Variants in RBFOX1 observed in about 807,000 individuals in gnomAD.
RBFOX1 encodes RNA binding fox-1 homolog 1, also known as RNA binding protein fox-1 homolog 1.
A neutral mutation model predicts 57.7 loss-of-function variants in RBFOX1; 8 were observed. That is an observed-to-expected ratio of 0.14 (90% CI 0.08 to 0.25). RBFOX1 has a LOEUF of 0.25. Ranked by LOEUF, RBFOX1 falls within the 10% of genes least tolerant of loss-of-function variation. RBFOX1 has a pLI of 1.00. For synonymous variants in RBFOX1, 326 were observed against 222.4 expected (o/e 1.47, Z -4.15); for missense variants, 611 against 548.5 (o/e 1.11, Z -1.14).
intron 3 of RBFOX1, among the ~76,000 whole-genome samples, chr16:6,782,933 T>C (rs2081275395): frequency 6.6e-6 from 1 of 152,178 alleles, no homozygotes; most frequent in South Asian, 2.1e-4. Flanking sequence ...TTTATATATA[T>C]TTACAGTTCT....
At chr16:7,432,194 G>A (rs2149616310) in intron 4 of RBFOX1, among the ~76,000 whole-genome samples, 1 of 152,342 alleles carries the variant, frequency 6.6e-6, no homozygotes, top group Non-Finnish European at 1.5e-5. Context: ...GGGCGGAAAT[G>A]TGGCTGTCTG....
intron 4 of RBFOX1, among the ~76,000 whole-genome samples, chr16:7,342,409 C>G (rs779718982): frequency 1.3e-5 from 2 of 152,182 alleles, no homozygotes; most frequent in Non-Finnish European, 2.9e-5. Flanking sequence ...ATGGTTTCAA[C>G]CTGTCTGCGG....
intron 3 of RBFOX1, among the ~76,000 whole-genome samples, chr16:6,709,665 C>G (rs1232905517): frequency 6.6e-6 from 1 of 152,150 alleles, no homozygotes; most frequent in Admixed American, 6.5e-5. Flanking sequence ...TTTTACCTCT[C>G]AGAGCCAGTG....
intron 4 of RBFOX1, among the ~76,000 whole-genome samples, chr16:7,252,352 T>G (rs1249557503): frequency 3.9e-5 from 6 of 152,262 alleles, no homozygotes; most frequent in African/African-American, 1.4e-4. Flanking sequence ...TTCACCACTC[T>G]GTGCTTGCTC....
intron 4 of RBFOX1, among the ~76,000 whole-genome samples, chr16:5,916,380 C>T (rs970906381): frequency 6.6e-6 from 1 of 152,132 alleles, no homozygotes; most frequent in Admixed American, 6.5e-5. Context: ...ACCTTCCTCC[C>T]TCTCTTATTT....
At chr16:7,137,720 A>G (rs1020873506) in intron 4 of RBFOX1, among the ~76,000 whole-genome samples, 3 of 152,192 alleles carry the variant, frequency 2.0e-5, no homozygotes, top group African/African-American at 7.2e-5. Flanking sequence ...ACTTAACTCA[A>G]AGGAATAATG....
At chr16:6,406,889 G>C (rs938053030) in intron 2 of RBFOX1, among the ~76,000 whole-genome samples, 5 of 152,068 alleles carry the variant, frequency 3.3e-5, no homozygotes, top group Non-Finnish European at 5.9e-5. Context: ...TTATATGCTG[G>C]CTGACCCCCC....
intron 4 of RBFOX1, among the ~76,000 whole-genome samples, chr16:7,222,186 G>C (rs757624817): frequency 1.3e-5 from 2 of 151,604 alleles, no homozygotes; most frequent in Non-Finnish European, 2.9e-5. Context: ...CCATAGACAC[G>C]ACCACACCAG....
intron 1 of RBFOX1, among the ~76,000 whole-genome samples, chr16:6,216,983 T>G (rs988718431): frequency 1.3e-5 from 2 of 152,144 alleles, no homozygotes; most frequent in African/African-American, 4.8e-5. Flanking sequence ...ACTGAAGCCC[T>G]TTGGTGTATG....
chr16:7,492,922 A>G (rs1204899062), intron 4 of RBFOX1, among the ~76,000 whole-genome samples: 1 of 152,036 alleles, frequency 6.6e-6, no homozygotes, highest in Non-Finnish European at 1.5e-5. Context: ...GACGTCCCCC[A>G]GGCTGGAGTG....
chr16:6,966,804 T>C (rs554371963), intron 3 of RBFOX1, among the ~76,000 whole-genome samples: 3 of 151,250 alleles, frequency 2.0e-5, no homozygotes, highest in African/African-American at 7.3e-5. Context: ...TCTGTCTGTC[T>C]GTCTGTCTGT....
chr16:5,299,690 G>A (rs1003498809), intron 1 of RBFOX1, among the ~76,000 whole-genome samples: 1 of 152,132 alleles, frequency 6.6e-6, no homozygotes, highest in African/African-American at 2.4e-5. Flanking sequence ...TGAGCTTTTT[G>A]TGGATTTCAT....
intron 4 of RBFOX1, among the ~76,000 whole-genome samples, chr16:7,196,069 T>C (rs552546040): frequency 3.1e-3 from 475 of 152,174 alleles, no homozygotes; most frequent in Middle Eastern, 6.8e-3. Flanking sequence ...TTTTAATTAT[T>C]ATTATTATTG....
At chr16:5,570,838 T>TTA (rs1387950604) in intron 2 of RBFOX1, among the ~76,000 whole-genome samples, 1 of 30,092 alleles carries the variant, frequency 3.3e-5, no homozygotes, top group Non-Finnish European at 6.9e-5. Context: ...AAACTCTGTC[T>TTA]CAAAAAAAAA....
At chr16:5,856,565 G>T (rs1312496227) in intron 3 of RBFOX1, among the ~76,000 whole-genome samples, 2 of 33,728 alleles carry the variant, frequency 5.9e-5, no homozygotes, top group African/African-American at 2.0e-4. Context: ...GTGTGTGTAT[G>T]TGTGTGTGTG....
In RBFOX1 at chr16:6,963,987, T is replaced by A. The variant is rs530158883; in HGVS notation, c.-15-88070T>A. On this transcript the variant is annotated intron_variant, in intron 3 of 15. Coordinates refer to ENST00000550418, the MANE Select transcript of RBFOX1 (RefSeq NM_018723.4). ...TGCTGGGATTACAGGCGTGAGCCAC[T>A]GCGCCCAGCCCCGGATTTATTTATT... 2.7e-3 allele frequency among the ~76,000 whole-genome samples: 407 copies of A among 151,796 alleles called. 1 individual carries two copies. The highest frequency in any genetic ancestry group is 9.5e-3 in the African/African-American group (391 of 41,364).
intron 2 of RBFOX1, among the ~76,000 whole-genome samples, chr16:6,323,498 G>C (rs973031348): frequency 6.6e-6 from 1 of 152,020 alleles, no homozygotes; most frequent in Non-Finnish European, 1.5e-5. Flanking sequence ...TGAATGAGTT[G>C]TTCATTGAGT....
rs1479990246 is a variant in RBFOX1 at position 6,478,423 on chromosome 16, ATATATATTTTTTTTTT to A, written c.-64+161368_-64+161383del. On this transcript the variant is annotated intron_variant, in intron 2 of 15. Transcript: ENST00000550418. The stretch of plus-strand genomic sequence containing the variant: ...TATATATATATATATATATATATAT[ATATATATTTTTTTTTT>A]TTTTTTTTGTATTTTTAGTAGAGAC... 6.7e-3 allele frequency among the ~76,000 whole-genome samples: 81 copies of A among 12,000 alleles called. 3 individuals carry two copies. The highest frequency in any genetic ancestry group is 0.016 in the African/African-American group (78 of 4,792). 7.9% of individuals were successfully genotyped at this position (12,000 alleles called of 152,430 possible). A position where few individuals can be genotyped will look rare whatever the true frequency, so the allele number is the denominator to read the frequency against.
chr16:6,653,203 C>T (rs1238654014), intron 2 of RBFOX1, among the ~76,000 whole-genome samples: 2 of 152,166 alleles, frequency 1.3e-5, no homozygotes, highest in South Asian at 4.1e-4. Context: ...TCAACATCAA[C>T]ATCGTATTCC....
Sources: gnomAD v4.1 joint callset for allele counts (sites outside exome capture counted in the v4.1 genomes callset) on GRCh38, gnomAD v4.1.1 for gene constraint, MANE v1.5 for transcripts, NCBI Gene and HGNC (gene_info 2026-07-23, HGNC 2026-07-21) for gene names.